The following CLPTM1L variants were observed in gnomAD, a reference collection of about 807,000 sequenced individuals.
The protein encoded by CLPTM1L is lipid scramblase CLPTM1L.
Under a neutral mutation model 70.9 loss-of-function variants are expected in CLPTM1L, and 38 were observed. That is an observed-to-expected ratio of 0.54 (90% confidence interval 0.41 to 0.70). CLPTM1L has a LOEUF of 0.70. Among genes scored for constraint, CLPTM1L ranks in the 30% least tolerant of loss-of-function variants. CLPTM1L has a pLI of 0.00. For synonymous variants in CLPTM1L, 339 were observed against 299.9 expected (o/e 1.13, Z -1.35); for missense variants, 652 against 705.9 (o/e 0.92, Z 0.87).
chr5:1,333,515 TATACACACC>T (rs1360365023), intron 7 of CLPTM1L, among the ~76,000 whole-genome samples: 25 of 143,850 alleles, frequency 1.7e-4, no homozygotes, highest in African/African-American at 6.0e-4. Context: ...GGGACTACTG[TATACACACC>T]AGATGAGGAT....
intron 3 of CLPTM1L, among the ~76,000 whole-genome samples, chr5:1,340,080 C>A (rs1277770140): frequency 6.6e-6 from 1 of 152,238 alleles, no homozygotes; most frequent in Non-Finnish European, 1.5e-5. Flanking sequence ...CGCCAAACAG[C>A]CCCCCATCCT....
At chr5:1,338,590 T>A (rs1341278584) in intron 4 of CLPTM1L, among the ~76,000 whole-genome samples, 1 of 152,218 alleles carries the variant, frequency 6.6e-6, no homozygotes, top group African/African-American at 2.4e-5. Flanking sequence ...CCCGTTCCCA[T>A]CAGCGCCTTC....
chr5:1,324,765 G>T lies in CLPTM1L; in HGVS notation c.1195C>A (p.Gln399Lys). 6.2e-7 allele frequency: 1 copy of T among 1,614,014 alleles called. No homozygotes were observed. The highest frequency in any genetic ancestry group is 1.6e-4 in the Middle Eastern group (1 of 6,062). The stretch of plus-strand genomic sequence containing the variant: ...GCCCTGAATCACAAGTGACTTACCT[G>T]AGTATCGTACTCCTCGGTTTTCCTC... Reference protein sequence around the residue: ...SERKTEEYDTQAMKYLSYLLY... With the variant: ...SERKTEEYDTKAMKYLSYLLY... The change falls in exon 11 of 17, where the codon CAG (glutamine) becomes AAG (lysine). Residue 399 changes from glutamine (Q) to lysine (K), a missense_variant and splice_region_variant. Physicochemically the swap from Gln to Lys is moderately conservative, Grantham distance 53. Around this residue, in one of 3 missense-constraint regions of CLPTM1L, gnomAD observed 240 missense variants for 295.0 expected, o/e 0.81. Transcript: ENST00000320895.
chr5:1,319,359 G>GGT (rs1554044904), intron 16 of CLPTM1L, among the ~76,000 whole-genome samples: 1 of 50 alleles, frequency 0.02, no homozygotes, highest in African/African-American at 0.083. Flanking sequence ...GCAACAGGGT[G>GGT]GGGGGGGGCA....
At chr5:1,326,324 C>T in intron 9 of CLPTM1L, 1 of 265,104 alleles carries the variant, frequency 3.8e-6, no homozygotes, top group Non-Finnish European at 7.2e-6. Context: ...TCTACAGGGA[C>T]ATTCCATCCA....
chr5:1,324,273 T>A (rs1752369111), intron 11 of CLPTM1L, among the ~76,000 whole-genome samples: 1 of 152,226 alleles, frequency 6.6e-6, no homozygotes, highest in Admixed American at 6.5e-5. Flanking sequence ...TATAAGCTGG[T>A]GAAGATTAAA....
intron 9 of CLPTM1L, among the ~76,000 whole-genome samples, chr5:1,327,663 T>A (rs1752706622): frequency 6.7e-6 from 1 of 148,340 alleles, no homozygotes. Flanking sequence ...TACAGACACA[T>A]TTCATCCAGC....
At chr5:1,339,100 A>C in intron 3 of CLPTM1L, 95 bp from the exon 4 acceptor site, 1 of 1,409,508 alleles carries the variant, frequency 7.1e-7, no homozygotes, top group Non-Finnish European at 9.6e-7. Flanking sequence ...GAACGGCCAC[A>C]CAGACAGGCA....
At chr5:1,320,816 C>T (rs1158189269) in intron 15 of CLPTM1L, 85 bp from the exon 16 acceptor site, 1 of 698,344 alleles carries the variant, frequency 1.4e-6, no homozygotes, top group Non-Finnish European at 2.4e-6. Context: ...AAGCCAACGG[C>T]TTTTGGCAGA....
intron 15 of CLPTM1L, 129 bp downstream of exon 15, chr5:1,321,506 C>A (rs1752151502): frequency 3.7e-6 from 3 of 813,542 alleles, no homozygotes; most frequent in Non-Finnish European, 4.2e-6. Flanking sequence ...CCTCAATATT[C>A]TTCAATGAAA....
Position 1,325,783 on chromosome 5 carries a change from T to TA in CLPTM1L, c.1113dup (p.Ile372TyrfsTer19), listed in dbSNP as rs1561232664. 6.2e-7 allele frequency: 1 copy of TA among 1,614,004 alleles called. No individual in the cohort carries two copies. Among genetic ancestry groups the TA allele is most frequent in the South Asian group, 1.1e-5 (1 of 91,084 alleles). On this transcript the variant is annotated frameshift_variant, in exon 10 of 17. Transcript: ENST00000320895. LOFTEE classifies it high-confidence loss of function. ...TCGGGCATCAGGCCTCTCCAAAAAA[T>TA]AGTCATCTTCAATGCCTTCTTCACT... is the stretch of plus-strand genomic sequence containing the variant.
chr5:1,324,889 C>T (rs919488579), intron 10 of CLPTM1L, 76 bp from the exon 11 acceptor site: 48 of 1,361,060 alleles, frequency 3.5e-5, no homozygotes, highest in Non-Finnish European at 4.6e-5. Flanking sequence ...GACTAAGGGG[C>T]GTCACATATG....
chr5:1,321,918 G>A (rs1209171035), intron 13 of CLPTM1L, 99 bp from the exon 14 acceptor site: 15 of 1,069,836 alleles, frequency 1.4e-5, no homozygotes, highest in African/African-American at 1.3e-4. Context: ...GAGCTGCCAC[G>A]TCTATGCATA....
At chr5:1,321,474 G>C (rs114884771) in intron 15 of CLPTM1L, among the ~76,000 whole-genome samples, 161 bp downstream of exon 15, 3 of 152,134 alleles carry the variant, frequency 2.0e-5, no homozygotes, top group Non-Finnish European at 4.4e-5. Context: ...ATAGCTCTTC[G>C]CTTTTTTTTT....
chr5:1,337,250 G>A (rs1042407605), intron 5 of CLPTM1L, among the ~76,000 whole-genome samples: 1 of 152,262 alleles, frequency 6.6e-6, no homozygotes, highest in Non-Finnish European at 1.5e-5. Context: ...TGCCTCATGT[G>A]CAGTAAGAGA....
chr5:1,321,518 G>A lies in CLPTM1L; in HGVS notation c.1416+117C>T, dbSNP rs1401362802. 1.7e-5 allele frequency: 15 copies of A among 893,222 alleles called. No individual in the cohort carries two copies. In the East Asian group the frequency reaches 3.4e-4, roughly 20 times the overall value. 55.3% of individuals were successfully genotyped at this position (893,222 alleles called of 1,614,324 possible). On this transcript the variant is annotated intron_variant, in intron 15 of 16. Transcript: ENST00000320895. ...CCTCCTCAATATTCTTCAATGAAAG[G>A]GACAGGTGCAGATGCACTCTGGGCA...
chr5:1,339,348 G>C (rs1753796825), intron 3 of CLPTM1L, among the ~76,000 whole-genome samples: 1 of 138,716 alleles, frequency 7.2e-6, no homozygotes, highest in African/African-American at 2.8e-5. Context: ...CCTGTGAACA[G>C]ATGGCCACGC....
intron 3 of CLPTM1L, among the ~76,000 whole-genome samples, chr5:1,340,524 G>A (rs560602082): frequency 5.9e-5 from 9 of 152,270 alleles, no homozygotes; most frequent in African/African-American, 2.2e-4. Context: ...ACCTGCAAGG[G>A]AGGCTTCCTG....
At chr5:1,331,401 GA>G (rs1482981930) in intron 8 of CLPTM1L, 3 of 251,202 alleles carry the variant, frequency 1.2e-5, no homozygotes, top group Non-Finnish European at 2.3e-5. Flanking sequence ...GTCGGGGAAG[GA>G]ACACCGGCGG....
Sources: allele counts gnomAD v4.1 joint callset (sites outside exome capture counted in the v4.1 genomes callset), GRCh38; gene constraint gnomAD v4.1.1; regional missense constraint gnomAD v4.1.1; transcripts MANE v1.5; gene names NCBI Gene and HGNC (gene_info 2026-07-23, HGNC 2026-07-21).